The following CSMD1 variants were observed in gnomAD, a reference collection of about 807,000 sequenced individuals.
CSMD1 encodes CUB and Sushi multiple domains 1.
In CSMD1, 213 loss-of-function variants were observed where a neutral mutation model predicts 417.5. The ratio of observed to expected loss-of-function variants is 0.51; its 90% confidence interval spans 0.46 to 0.57. The LOEUF is 0.57. CSMD1 is among the 20% of genes least tolerant of loss of function. The probability of loss-of-function intolerance (pLI) is 0.00; values close to 1 mark genes in which losing one functional copy is unlikely to be tolerated. For missense variants in CSMD1, 6,923 were observed against 4,529.7 expected (o/e 1.53, Z -15.17); for synonymous variants, 2,862 against 1,736.8 (o/e 1.65, Z -16.11).
intron 52 of CSMD1, among the ~76,000 whole-genome samples, chr8:3,007,484 C>A (rs1289623856): frequency 6.6e-6 from 1 of 151,200 alleles, no homozygotes; most frequent in Non-Finnish European, 1.5e-5. Flanking sequence ...ATGTTTATTG[C>A]GGCATTATTC....
intron 1 of CSMD1, chr8:4,787,219 C>A: frequency 2.1e-6 from 1 of 483,384 alleles, no homozygotes; most frequent in Non-Finnish European, 3.9e-6. Flanking sequence ...CCAGGGGGCG[C>A]GCCTGGGGGC....
At chr8:4,425,902 C>A (rs1403720576) in intron 2 of CSMD1, among the ~76,000 whole-genome samples, 3 of 151,954 alleles carry the variant, frequency 2.0e-5, no homozygotes, top group Admixed American at 2.0e-4. Context: ...ATGTTACTCC[C>A]TATCGTAATT....
intron 1 of CSMD1, among the ~76,000 whole-genome samples, chr8:4,692,040 T>C (rs1806801634): frequency 1.3e-5 from 2 of 152,304 alleles, no homozygotes; most frequent in South Asian, 4.1e-4. Flanking sequence ...CTATCCTGAA[T>C]TATGATAATG....
chr8:3,047,782 C>A (rs778137811), intron 50 of CSMD1, among the ~76,000 whole-genome samples: 1 of 152,164 alleles, frequency 6.6e-6, no homozygotes, highest in Non-Finnish European at 1.5e-5. Flanking sequence ...CTTGCATGGA[C>A]ATTCTAGAGA....
intron 2 of CSMD1, among the ~76,000 whole-genome samples, chr8:4,599,668 G>A (rs921812963): frequency 6.6e-6 from 1 of 152,130 alleles, no homozygotes; most frequent in Non-Finnish European, 1.5e-5. Context: ...GGAATGACAT[G>A]CAAACTATTT....
intron 4 of CSMD1, among the ~76,000 whole-genome samples, chr8:4,030,985 A>G (rs1053411033): frequency 1.1e-4 from 16 of 152,182 alleles, no homozygotes; most frequent in Non-Finnish European, 2.1e-4. Context: ...GTTATGAACA[A>G]GTTTCTCATC....
At chr8:3,496,472 T>G (rs1271113952) in intron 10 of CSMD1, among the ~76,000 whole-genome samples, 1 of 152,214 alleles carries the variant, frequency 6.6e-6, no homozygotes, top group African/African-American at 2.4e-5. Context: ...TTTGAAATCT[T>G]TCTACTTTTT....
intron 1 of CSMD1, among the ~76,000 whole-genome samples, chr8:4,779,501 C>T (rs1004981179): frequency 2.6e-5 from 4 of 151,968 alleles, no homozygotes; most frequent in African/African-American, 9.7e-5. Flanking sequence ...ATGCAGAGTC[C>T]TAAACCCAAT....
intron 49 of CSMD1, among the ~76,000 whole-genome samples, chr8:3,058,701 GAGACTCTACTTTTCTA>G (rs1812397453): frequency 6.6e-6 from 1 of 151,852 alleles, no homozygotes. Flanking sequence ...GGGGAGATTT[GAGACTCTACTTTTCTA>G]ACAGGCTGCG....
chr8:4,448,864 C>G (rs191687396), intron 2 of CSMD1, among the ~76,000 whole-genome samples: 1 of 152,126 alleles, frequency 6.6e-6, no homozygotes, highest in South Asian at 2.1e-4. Context: ...GATGTGTATC[C>G]AATTCTCTTA....
intron 3 of CSMD1, among the ~76,000 whole-genome samples, chr8:4,245,573 G>C (rs111715231): frequency 5.3e-5 from 8 of 152,190 alleles, no homozygotes; most frequent in African/African-American, 1.9e-4. Flanking sequence ...GGAAATGTGA[G>C]TTCACAATCG....
chr8:4,909,598 T>C (rs1805525599), intron 1 of CSMD1, among the ~76,000 whole-genome samples: 1 of 152,094 alleles, frequency 6.6e-6, no homozygotes, highest in Non-Finnish European at 1.5e-5. Context: ...TTCCTGGAAT[T>C]TTCACCGTGA....
At chr8:4,372,182 T>G (rs1802437383) in intron 3 of CSMD1, among the ~76,000 whole-genome samples, 1 of 152,224 alleles carries the variant, frequency 6.6e-6, no homozygotes, top group Non-Finnish European at 1.5e-5. Context: ...AGAGATATTT[T>G]TTTGTCAGTA....
intron 37 of CSMD1, among the ~76,000 whole-genome samples, chr8:3,165,525 G>A (rs867625321): frequency 4.6e-5 from 7 of 151,862 alleles, no homozygotes; most frequent in African/African-American, 9.7e-5. Flanking sequence ...TCCACCTCCC[G>A]GGTTCATGCC....
At chr8:3,894,671 A>G (rs1409935753) in intron 5 of CSMD1, among the ~76,000 whole-genome samples, 1 of 152,190 alleles carries the variant, frequency 6.6e-6, no homozygotes, top group African/African-American at 2.4e-5. Context: ...AGAGAGTCTA[A>G]TTGAAAAGTT....
intron 1 of CSMD1, among the ~76,000 whole-genome samples, chr8:4,976,864 G>A (rs766723771): frequency 3.9e-5 from 6 of 152,074 alleles, no homozygotes; most frequent in Non-Finnish European, 7.4e-5. Context: ...TGTGCTTAAA[G>A]AAATATAGAG....
chr8:3,193,867 C>G (rs750063814), intron 33 of CSMD1, among the ~76,000 whole-genome samples: 2 of 152,220 alleles, frequency 1.3e-5, no homozygotes, highest in Non-Finnish European at 2.9e-5. Flanking sequence ...TTCAACACCA[C>G]AAATGCTCTA....
chr8:3,955,980 A>G (rs1027168555), intron 5 of CSMD1, among the ~76,000 whole-genome samples: 1 of 152,120 alleles, frequency 6.6e-6, no homozygotes, highest in Non-Finnish European at 1.5e-5. Context: ...TTTTTAGTAG[A>G]GTCAGGGTTT....
intron 2 of CSMD1, among the ~76,000 whole-genome samples, chr8:4,428,747 T>A (rs2128945331): frequency 6.6e-6 from 1 of 152,194 alleles, no homozygotes; most frequent in East Asian, 1.9e-4. Flanking sequence ...TGAGAAGGAG[T>A]CTAGCTTTGT....
Sources: gnomAD v4.1 joint callset for allele counts (sites outside exome capture counted in the v4.1 genomes callset) on GRCh38, gnomAD v4.1.1 for gene constraint, MANE v1.5 for transcripts, NCBI Gene and HGNC (gene_info 2026-07-23, HGNC 2026-07-21) for gene names.